The following RANBP17 variants were observed in gnomAD, a reference collection of about 807,000 sequenced individuals.
RANBP17 encodes the protein ran-binding protein 17.
In RANBP17, 158 loss-of-function variants were observed where a neutral mutation model predicts 141.2. The ratio of observed to expected loss-of-function variants is 1.12; its 90% CI spans 0.98 to 1.28. The LOEUF (loss-of-function observed/expected upper bound fraction) is 1.28, where lower values mean the gene tolerates loss of function less well. Among genes scored for constraint, RANBP17 ranks in the 50% most tolerant of loss-of-function variants. The pLI is 0.00. For synonymous variants in RANBP17, 430 were observed against 450.0 expected (o/e 0.96, Z 0.56); for missense variants, 1,438 against 1,290.7 (o/e 1.11, Z -1.75).
chr5:171,000,459 A>G (rs532872828), intron 14 of RANBP17, among the ~76,000 whole-genome samples: 2 of 152,346 alleles, frequency 1.3e-5, no homozygotes, highest in East Asian at 1.9e-4. Context: ...TACAAAAAAA[A>G]TGATGTAGCT....
At chr5:171,280,552 G>A (rs563550225) in intron 25 of RANBP17, among the ~76,000 whole-genome samples, 107 of 152,288 alleles carry the variant, frequency 7.0e-4, no homozygotes, top group African/African-American at 2.4e-3. Context: ...GAAATTACAG[G>A]TGTGCACCAC....
At chr5:171,151,804 A>G (rs990751676) in intron 14 of RANBP17, among the ~76,000 whole-genome samples, 1 of 152,174 alleles carries the variant, frequency 6.6e-6, no homozygotes, top group South Asian at 2.1e-4. Context: ...TGCCACCTTG[A>G]CATTTCTTTT....
At chr5:171,132,947 G>A (rs565268525) in intron 14 of RANBP17, among the ~76,000 whole-genome samples, 5 of 151,960 alleles carry the variant, frequency 3.3e-5, no homozygotes, top group South Asian at 2.1e-4. Flanking sequence ...GTGCAGTGGC[G>A]CGATCTCAGC....
chr5:171,023,470 T>C (rs968518884), intron 14 of RANBP17, among the ~76,000 whole-genome samples: 2 of 152,232 alleles, frequency 1.3e-5, no homozygotes, highest in African/African-American at 4.8e-5. Context: ...TGTATAGATC[T>C]AAATTTTGAT....
In RANBP17 at chr5:171,147,339, T is replaced by TTGTGTGTGTGTGTGTGTGTG. The variant is rs59202388; in HGVS notation, c.1711-22768_1711-22749dup. Among the ~76,000 whole-genome samples, 9 of 104,852 alleles carry TTGTGTGTGTGTGTGTGTGTG rather than the reference T, an allele frequency of 8.6e-5. No homozygotes were observed. In the East Asian group the frequency reaches 1.0e-3, roughly 12 times the overall value. The allele number at this position is 104,852 out of a possible 152,430, so 68.8% of individuals were successfully genotyped here. A position where few individuals can be genotyped will look rare whatever the true frequency, so the allele number is the denominator to read the frequency against. Reference sequence around the variant, plus strand: ...ATGTAATCATCTTTTCTTGGTTGTTTTGTGTGTGTGTGTGTGTGTGTGTGT... The same window carrying TTGTGTGTGTGTGTGTGTGTG: ...ATGTAATCATCTTTTCTTGGTTGTTTTGTGTGTGTGTGTGTGTGTGTGTGTGTGTGTGTGTGTGTGTGTGT... On this transcript the variant is annotated intron_variant, in intron 14 of 27. Transcript: ENST00000523189.
intron 10 of RANBP17, 32 bp from the exon 11 acceptor site, chr5:170,919,409 T>C (rs1172914618): frequency 7.0e-7 from 1 of 1,424,954 alleles, no homozygotes; most frequent in Admixed American, 2.4e-5. Context: ...AGATGTAATA[T>C]TTTAAATAAC....
At chr5:171,186,663 A>G (rs1761278845) in intron 18 of RANBP17, among the ~76,000 whole-genome samples, 1 of 140,858 alleles carries the variant, frequency 7.1e-6, no homozygotes, top group African/African-American at 2.7e-5. Flanking sequence ...CAGCCTCCCA[A>G]GTAGCTGGGA....
chr5:171,016,176 CTTTTTTTT>C (rs377305717), intron 14 of RANBP17, among the ~76,000 whole-genome samples: 19 of 109,084 alleles, frequency 1.7e-4, no homozygotes, highest in Middle Eastern at 0.011. Flanking sequence ...GGGATCACTG[CTTTTTTTT>C]TTTTTTTTTG....
intron 21 of RANBP17, among the ~76,000 whole-genome samples, chr5:171,214,294 A>G (rs1463888555): frequency 3.3e-5 from 5 of 152,212 alleles, no homozygotes; most frequent in African/African-American, 7.2e-5. Flanking sequence ...GAGAGCAACT[A>G]TAATACTTCT....
chr5:170,897,506 A>G (rs952891783), intron 5 of RANBP17, among the ~76,000 whole-genome samples: 2 of 152,084 alleles, frequency 1.3e-5, no homozygotes, highest in Non-Finnish European at 2.9e-5. Context: ...TGCTGCACCC[A>G]TCAACCAGCC....
At chr5:171,199,275 G>A (rs1277679463) in intron 18 of RANBP17, among the ~76,000 whole-genome samples, 6 of 152,054 alleles carry the variant, frequency 3.9e-5, no homozygotes, top group Admixed American at 3.9e-4. Context: ...GAGTCTTTGA[G>A]CCCTTTAGGG....
intron 22 of RANBP17, among the ~76,000 whole-genome samples, chr5:171,230,664 A>T (rs1350625782): frequency 1.3e-5 from 2 of 152,164 alleles, no homozygotes; most frequent in Non-Finnish European, 2.9e-5. Flanking sequence ...TGGAAGGCTG[A>T]GGCAGGAGAA....
chr5:170,979,098 GA>G (rs1382495977), intron 14 of RANBP17, among the ~76,000 whole-genome samples: 1 of 152,168 alleles, frequency 6.6e-6, no homozygotes, highest in East Asian at 1.9e-4. Flanking sequence ...AATATGTTAA[GA>G]AAATTGTATG....
intron 21 of RANBP17, among the ~76,000 whole-genome samples, chr5:171,217,590 T>C (rs1763292987): frequency 1.3e-5 from 2 of 152,340 alleles, no homozygotes; most frequent in East Asian, 1.9e-4. Flanking sequence ...GAACTTGTTA[T>C]TGGTCTTTTC....
chr5:171,025,577 CTTTTTTTCTTTTTTTTTT>C (rs1561999899), intron 14 of RANBP17, among the ~76,000 whole-genome samples: 1 of 137,970 alleles, frequency 7.2e-6, no homozygotes, highest in Non-Finnish European at 1.5e-5. Flanking sequence ...TTTTTTTTTT[CTTTTTTTCTTTTTTTTTT>C]GAGACAGAAT....
chr5:171,213,989 A>G (rs1763065702), intron 21 of RANBP17, among the ~76,000 whole-genome samples: 1 of 152,202 alleles, frequency 6.6e-6, no homozygotes, highest in South Asian at 2.1e-4. Flanking sequence ...TGCAGCCACC[A>G]TTATTTAAAA....
At chr5:171,056,074 A>G (rs1783350217) in intron 14 of RANBP17, among the ~76,000 whole-genome samples, 1 of 152,146 alleles carries the variant, frequency 6.6e-6, no homozygotes, top group Admixed American at 6.6e-5. Context: ...AAATAGCTCA[A>G]AAGAAAATCT....
chr5:171,154,997 G>T (rs1462929407), intron 14 of RANBP17, among the ~76,000 whole-genome samples: 1 of 149,488 alleles, frequency 6.7e-6, no homozygotes, highest in African/African-American at 2.5e-5. Flanking sequence ...AGAATGGCTT[G>T]AACCCGGGAG....
In RANBP17 at chr5:171,116,404, C is replaced by T. The variant is rs151113870; in HGVS notation, c.1711-53726C>T. ...AAAATGATGATGGATGGTGGAAGGA[C>T]GGGGAGAAGTATTCAAAGAATGGGA... On this transcript the variant is annotated intron_variant, in intron 14 of 27. Coordinates refer to ENST00000523189, the MANE Select transcript of RANBP17 (RefSeq NM_022897.5). Among the ~76,000 whole-genome samples the T allele has an allele frequency of 7.9e-5, 12 of 151,848 alleles. No individual in the cohort carries two copies. The East Asian group carries it at 1.4e-3, about 17-fold the overall frequency.
Sources: gnomAD v4.1 joint callset for allele counts (sites outside exome capture counted in the v4.1 genomes callset) on GRCh38, gnomAD v4.1.1 for gene constraint, MANE v1.5 for transcripts, NCBI Gene and HGNC (gene_info 2026-07-23, HGNC 2026-07-21) for gene names.